The following GTF2IRD1 variants were observed in gnomAD, a reference collection of about 807,000 sequenced individuals.
GTF2IRD1 encodes the protein GTF2I repeat domain containing 1, also known as general transcription factor II-I repeat domain-containing protein 1.
Under a neutral mutation model 113.2 loss-of-function variants are expected in GTF2IRD1, and 26 were observed. That is an observed-to-expected ratio of 0.23 (90% CI 0.17 to 0.32). The LOEUF (loss-of-function observed/expected upper bound fraction) is 0.32, where lower values mean the gene tolerates loss of function less well. Among genes scored for constraint, GTF2IRD1 ranks in the 10% least tolerant of loss-of-function variants. The probability of loss-of-function intolerance (pLI) is 1.00; values close to 1 mark genes in which losing one functional copy is unlikely to be tolerated. For missense variants in GTF2IRD1, 864 were observed against 1,280.8 expected (o/e 0.67, Z 4.97); for synonymous variants, 484 against 529.1 (o/e 0.91, Z 1.17).
intron 9 of GTF2IRD1, among the ~76,000 whole-genome samples, chr7:74,533,541 A>T (rs1439905026): frequency 6.6e-6 from 1 of 152,010 alleles, no homozygotes; most frequent in Admixed American, 6.6e-5. Flanking sequence ...TGTCATGACC[A>T]TTGGGGCACC....
chr7:74,536,144 G>T (rs1798283667), intron 10 of GTF2IRD1, 23 bp from the exon 11 acceptor site: 2 of 1,518,344 alleles, frequency 1.3e-6, no homozygotes, highest in African/African-American at 1.4e-5. Context: ...CCTTCACCCT[G>T]ACCTCCCTGA....
intron 1 of GTF2IRD1, among the ~76,000 whole-genome samples, chr7:74,460,992 G>C (rs1320746771): frequency 6.6e-6 from 1 of 152,196 alleles, no homozygotes; most frequent in African/African-American, 2.4e-5. Flanking sequence ...GGGAAAGTAA[G>C]GGGCCGGGGT....
At chr7:74,531,715 T>G (rs1797973169) in intron 9 of GTF2IRD1, among the ~76,000 whole-genome samples, 1 of 149,986 alleles carries the variant, frequency 6.7e-6, no homozygotes, top group Non-Finnish European at 1.5e-5. Flanking sequence ...AGACCCCATC[T>G]CCAAAAAGAA....
At chr7:74,570,081 G>A (rs1484975902) in intron 22 of GTF2IRD1, among the ~76,000 whole-genome samples, 3 of 152,116 alleles carry the variant, frequency 2.0e-5, no homozygotes, top group Admixed American at 6.6e-5. Flanking sequence ...GCAACAGCAG[G>A]GCCGGGCGCG....
chr7:74,528,943 G>GTGGGTGGA (rs1554347943), intron 8 of GTF2IRD1, among the ~76,000 whole-genome samples: 2 of 133,848 alleles, frequency 1.5e-5, no homozygotes, highest in African/African-American at 5.8e-5. Flanking sequence ...GGGTGGATGG[G>GTGGGTGGA]TGGATGGATG....
intron 22 of GTF2IRD1, among the ~76,000 whole-genome samples, chr7:74,571,677 CAT>C (rs1460858144): frequency 6.6e-6 from 1 of 152,142 alleles, no homozygotes; most frequent in African/African-American, 2.4e-5. Flanking sequence ...GCCTGGGAAA[CAT>C]AAAGAGATCC....
intron 11 of GTF2IRD1, 71 bp downstream of exon 11, chr7:74,536,346 A>AG: frequency 1.1e-6 from 1 of 943,332 alleles, no homozygotes; most frequent in South Asian, 1.4e-5. Context: ...GTTACCTGCA[A>AG]GGGGGTACCC....
rs587661753 is a variant in GTF2IRD1, at chr7:74,599,345, G to A, written c.2630-1699G>A. The stretch of plus-strand genomic sequence containing the variant: ...ATGCAGTAATCCATCCAATCAGGAC[G>A]TGCTGCTCAAAGTCTTACATCTTCA... On this transcript the variant is annotated intron_variant, in intron 25 of 26. Coordinates refer to ENST00000424337, the MANE Select transcript of GTF2IRD1 (RefSeq NM_005685.4). Among the ~76,000 whole-genome samples the A allele has an allele frequency of 2.0e-5, 3 of 152,248 alleles. No individual in the cohort carries two copies. The East Asian group carries it at 5.8e-4, about 29-fold the overall frequency.
chr7:74,477,881 C>T (rs916803449), intron 1 of GTF2IRD1, among the ~76,000 whole-genome samples: 1 of 152,262 alleles, frequency 6.6e-6, no homozygotes, highest in South Asian at 2.1e-4. Context: ...GTTCCTCATC[C>T]GTGTTGTTCT....
chr7:74,510,417 C>T (rs1358269843), intron 2 of GTF2IRD1, among the ~76,000 whole-genome samples: 2 of 151,636 alleles, frequency 1.3e-5, no homozygotes, highest in East Asian at 3.9e-4. Context: ...AGTGATTCTC[C>T]TGCCTCAGCC....
intron 17 of GTF2IRD1, among the ~76,000 whole-genome samples, chr7:74,553,744 G>A (rs1799444215): frequency 1.3e-5 from 2 of 152,166 alleles, no homozygotes; most frequent in African/African-American, 2.4e-5. Context: ...TGCTATTTAA[G>A]GGGAAGCACT....
intron 22 of GTF2IRD1, among the ~76,000 whole-genome samples, chr7:74,567,483 G>T (rs1800394338): frequency 6.6e-6 from 1 of 152,172 alleles, no homozygotes; most frequent in African/African-American, 2.4e-5. Context: ...GCAACAGGTT[G>T]CAGTGGGATG....
intron 22 of GTF2IRD1, among the ~76,000 whole-genome samples, chr7:74,568,588 C>G (rs587632441): frequency 1.1e-4 from 17 of 152,158 alleles, no homozygotes; most frequent in African/African-American, 3.9e-4. Context: ...GCGGAACTTG[C>G]AGTGAGCCGA....
At chr7:74,533,897 C>T (rs1018790765) in intron 9 of GTF2IRD1, among the ~76,000 whole-genome samples, 6 of 152,122 alleles carry the variant, frequency 3.9e-5, no homozygotes, top group Middle Eastern at 3.4e-3. Context: ...GCATTGGTGG[C>T]GCATGCCTAT....
At chr7:74,488,332 A>G (rs529958385) in intron 1 of GTF2IRD1, among the ~76,000 whole-genome samples, 1 of 152,316 alleles carries the variant, frequency 6.6e-6, no homozygotes, top group South Asian at 2.1e-4. Flanking sequence ...TGCTCTGGGT[A>G]TCAAAATCGG....
At chr7:74,601,371 T>TG (rs1802761292) in intron 26 of GTF2IRD1, 191 bp downstream of exon 26, 4 of 1,519,332 alleles carry the variant, frequency 2.6e-6, no homozygotes, top group Non-Finnish European at 3.5e-6. Flanking sequence ...ATCCTTCTCG[T>TG]GGGGTACTCA....
intron 8 of GTF2IRD1, among the ~76,000 whole-genome samples, chr7:74,526,012 G>A (rs1270156375): frequency 6.6e-6 from 1 of 152,144 alleles, no homozygotes; most frequent in Admixed American, 6.5e-5. Flanking sequence ...TGGCCACCCT[G>A]GCCCAGCCAC....
chr7:74,475,996 T>C (rs1458298152), intron 1 of GTF2IRD1, among the ~76,000 whole-genome samples: 2 of 152,154 alleles, frequency 1.3e-5, no homozygotes, highest in Admixed American at 1.3e-4. Context: ...TGCCAAGATG[T>C]CTGTGTGCGT....
At chr7:74,509,705 G>A (rs562795580) in intron 2 of GTF2IRD1, among the ~76,000 whole-genome samples, 29 of 151,780 alleles carry the variant, frequency 1.9e-4, no homozygotes, top group African/African-American at 6.5e-4. Context: ...ACGGAGTTTC[G>A]CTCTGTCGCC....
Sources: gnomAD v4.1 joint callset for allele counts (sites outside exome capture counted in the v4.1 genomes callset) on GRCh38, gnomAD v4.1.1 for gene constraint, MANE v1.5 for transcripts, NCBI Gene and HGNC (gene_info 2026-07-23, HGNC 2026-07-21) for gene names.